LINGO2: variants seen among roughly 807,000 people sequenced by gnomAD.
The protein encoded by LINGO2 is leucine-rich repeat and immunoglobulin-like domain-containing nogo receptor-interacting protein 2.
In LINGO2, 14 loss-of-function variants were observed where a neutral mutation model predicts 30.6. The observed-to-expected ratio is 0.46, with a 90% CI of 0.30 to 0.72. The LOEUF (loss-of-function observed/expected upper bound fraction) is 0.72, where lower values mean the gene tolerates loss of function less well. Among genes scored for constraint, LINGO2 ranks in the 30% least tolerant of loss-of-function variants. The probability of loss-of-function intolerance (pLI) is 0.07; values close to 1 mark genes in which losing one functional copy is unlikely to be tolerated. For synonymous variants in LINGO2, 317 were observed against 288.5 expected (o/e 1.10, Z -1.00); for missense variants, 729 against 751.7 (o/e 0.97, Z 0.35).
chr9:29,063,285 T>C, the LINGO2 span, among the ~76,000 whole-genome samples: 4 of 152,122 alleles, frequency 2.6e-5, no homozygotes, highest in Admixed American at 2.0e-4. Flanking sequence ...AGCACAGATG[T>C]GGTTTCAATC....
intron 1 of LINGO2, among the ~76,000 whole-genome samples, chr9:28,531,404 G>T (rs1352103126): frequency 6.6e-6 from 1 of 151,804 alleles, no homozygotes; most frequent in Non-Finnish European, 1.5e-5. Context: ...ATTATGCTTT[G>T]TCTACATTTT....
the LINGO2 span, among the ~76,000 whole-genome samples, chr9:28,825,781 TAGCC>T: frequency 6.6e-6 from 1 of 152,118 alleles, no homozygotes; most frequent in Non-Finnish European, 1.5e-5. Flanking sequence ...TAAAACGTTG[TAGCC>T]ACACACTAAT....
the LINGO2 span, among the ~76,000 whole-genome samples, chr9:29,112,282 G>C: frequency 6.6e-6 from 1 of 152,058 alleles, no homozygotes; most frequent in Non-Finnish European, 1.5e-5. Flanking sequence ...CCAGCGGCAT[G>C]AGCATCACTT....
At chr9:28,873,839 G>A in the LINGO2 span, among the ~76,000 whole-genome samples, 2 of 151,796 alleles carry the variant, frequency 1.3e-5, no homozygotes, top group African/African-American at 4.8e-5. Context: ...AGAGCATAAT[G>A]TAAATACCTC....
chr9:28,876,257 ATTTTT>A, the LINGO2 span, among the ~76,000 whole-genome samples: 1 of 151,728 alleles, frequency 6.6e-6, no homozygotes. Context: ...TTTTTATTTT[ATTTTT>A]ATTATACTTT....
the LINGO2 span, among the ~76,000 whole-genome samples, chr9:29,049,810 G>A: frequency 6.6e-6 from 1 of 152,016 alleles, no homozygotes; most frequent in African/African-American, 2.4e-5. Context: ...AGAACAGTAG[G>A]GGCTGGAGGA....
rs186158709 is a variant in LINGO2, at chr9:28,248,805, T to G, written c.-87+46403A>C. On this transcript the variant is annotated intron_variant, in intron 4 of 5. Transcript: ENST00000379992. ...AGTTTCTATGTTGATTCAAGGTAGA[T>G]TTCTCATTTATAGAAAAGTTAACTT... Among the ~76,000 whole-genome samples the G allele has an allele frequency of 9.8e-4, 149 of 152,292 alleles. 1 individual carries two copies. The highest frequency in any genetic ancestry group is 1.6e-3 in the Non-Finnish European group (110 of 68,018).
At chr9:28,240,637 T>A (rs1821749811) in intron 4 of LINGO2, among the ~76,000 whole-genome samples, 1 of 151,952 alleles carries the variant, frequency 6.6e-6, no homozygotes, top group African/African-American at 2.4e-5. Context: ...TATGCAAAAA[T>A]CAAAACAAAA....
the LINGO2 span, among the ~76,000 whole-genome samples, chr9:28,905,194 G>A: frequency 4.7e-5 from 7 of 150,482 alleles, no homozygotes; most frequent in African/African-American, 1.7e-4. Flanking sequence ...TAACAGGGAA[G>A]CTCCACGCCA....
At chr9:28,026,906 T>G (rs1225280524) in intron 4 of LINGO2, among the ~76,000 whole-genome samples, 1 of 152,204 alleles carries the variant, frequency 6.6e-6, no homozygotes, top group Admixed American at 6.5e-5. Flanking sequence ...TATTCAAGGC[T>G]TTTTCACGAC....
chr9:28,108,470 A>T (rs1219415850), intron 4 of LINGO2, among the ~76,000 whole-genome samples: 2 of 152,096 alleles, frequency 1.3e-5, no homozygotes, highest in African/African-American at 4.8e-5. Flanking sequence ...TCGATCTTTT[A>T]TACTCACTCC....
the LINGO2 span, among the ~76,000 whole-genome samples, chr9:29,050,896 T>C: frequency 3.9e-5 from 6 of 152,304 alleles, no homozygotes; most frequent in African/African-American, 1.4e-4. Context: ...AGTTAATGGT[T>C]CCAGCCAATT....
chr9:29,089,439 C>A, the LINGO2 span, among the ~76,000 whole-genome samples: 27,607 of 151,738 alleles, frequency 0.18, 2,558 homozygotes, highest in South Asian at 0.21. Flanking sequence ...GCTTCAAGAT[C>A]TTCTCATAAA....
the LINGO2 span, among the ~76,000 whole-genome samples, chr9:29,178,923 T>A: frequency 6.6e-6 from 1 of 151,462 alleles, no homozygotes; most frequent in Non-Finnish European, 1.5e-5. Flanking sequence ...ACCCTGGAGT[T>A]TCAGGCTAGA....
chr9:28,759,758 C>A, the LINGO2 span, among the ~76,000 whole-genome samples: 1 of 151,728 alleles, frequency 6.6e-6, no homozygotes, highest in African/African-American at 2.4e-5. Flanking sequence ...TGAAAATAGC[C>A]CATAGCCAAG....
intron 5 of LINGO2, among the ~76,000 whole-genome samples, chr9:27,990,466 C>G (rs375134804): frequency 3.5e-4 from 41 of 117,886 alleles, no homozygotes; most frequent in African/African-American, 1.2e-3. Context: ...CTCAATACCC[C>G]CCCCCCTTTT....
the LINGO2 span, among the ~76,000 whole-genome samples, chr9:28,754,015 CAA>C: frequency 1.3e-3 from 104 of 82,182 alleles, no homozygotes; most frequent in East Asian, 0.014. Flanking sequence ...TACACACACA[CAA>C]ACACACACAC....
chr9:28,309,666 T>C (rs1055501976), intron 3 of LINGO2, among the ~76,000 whole-genome samples: 1 of 151,822 alleles, frequency 6.6e-6, no homozygotes, highest in Non-Finnish European at 1.5e-5. Context: ...AATTGATAAA[T>C]TTGATTTAAT....
intron 4 of LINGO2, among the ~76,000 whole-genome samples, chr9:28,028,468 C>CGTG (rs1482093916): frequency 5.6e-4 from 85 of 152,176 alleles, no homozygotes; most frequent in African/African-American, 2.0e-3. Flanking sequence ...GCTATACTTG[C>CGTG]TCATATACAA....
Sources: allele counts gnomAD v4.1 joint callset (sites outside exome capture counted in the v4.1 genomes callset), GRCh38; gene constraint gnomAD v4.1.1; transcripts MANE v1.5; gene names NCBI Gene and HGNC (gene_info 2026-07-23, HGNC 2026-07-21).